B3GLCT: variants seen among roughly 807,000 people sequenced by gnomAD.
The protein encoded by B3GLCT is beta-1,3-glucosyltransferase.
B3GLCT carries 65 observed loss-of-function variants against 63.4 expected under a neutral mutation model. The observed-to-expected ratio is 1.03, with a 90% CI of 0.84 to 1.26. The LOEUF (loss-of-function observed/expected upper bound fraction) is 1.26. B3GLCT is among the 50% of genes most tolerant of loss of function. The probability of loss-of-function intolerance (pLI) is 0.00; values close to 1 mark genes in which losing one functional copy is unlikely to be tolerated. For missense variants in B3GLCT, 577 were observed against 604.8 expected (o/e 0.95, Z 0.48); for synonymous variants, 233 against 219.2 (o/e 1.06, Z -0.55).
intron 7 of B3GLCT, among the ~76,000 whole-genome samples, chr13:31,267,401 A>G (rs528428102): frequency 2.2e-4 from 33 of 152,378 alleles, no homozygotes; most frequent in African/African-American, 5.8e-4. Context: ...ATGTGGCATG[A>G]GTCCAAATCC....
In B3GLCT at chr13:31,330,755, A is replaced by G. The variant is rs969689028; in HGVS notation, c.*1087A>G. ...GTATTAATGTATAAAAAGCACTCTAATTATATAATTCAGTTTTTGTAAAGG... is the reference window on the plus strand; with the variant it reads ...GTATTAATGTATAAAAAGCACTCTAGTTATATAATTCAGTTTTTGTAAAGG... On this transcript the variant is annotated 3_prime_UTR_variant, in exon 15 of 15. Coordinates refer to ENST00000343307, the MANE Select transcript of B3GLCT (RefSeq NM_194318.4). 6.0e-5 allele frequency: 9 copies of G among 150,522 alleles called. No individual in the cohort carries two copies. The highest frequency in any genetic ancestry group is 2.0e-4 in the African/African-American group (8 of 39,920). 9.3% of individuals were successfully genotyped at this position (150,522 alleles called of 1,614,324 possible). A position where few individuals can be genotyped will look rare whatever the true frequency, so the allele number is the denominator to read the frequency against.
At position 31,276,780 on chromosome 13, in the gene B3GLCT, T is replaced by C; in HGVS notation, c.850+9T>C. 1 of 1,604,234 alleles carries C rather than the reference T, an allele frequency of 6.2e-7. No individual in the cohort carries two copies. The highest frequency in any genetic ancestry group is 2.2e-5 in the East Asian group (1 of 44,826). On this transcript the variant is annotated intron_variant, in intron 10 of 14. Transcript: ENST00000343307. ...ATTTCATGGTGACAGAAGTATGTTT[T>C]GGGTTATTCATTTTATTGAACGCTA...
intron 1 of B3GLCT, among the ~76,000 whole-genome samples, chr13:31,208,880 C>A (rs1281723958): frequency 6.6e-6 from 1 of 151,998 alleles, no homozygotes; most frequent in African/African-American, 2.4e-5. Flanking sequence ...GTACCTTCAG[C>A]CTCATTTCTA....
At chr13:31,203,951 C>G (rs1868808265) in intron 1 of B3GLCT, among the ~76,000 whole-genome samples, 2 of 152,182 alleles carry the variant, frequency 1.3e-5, no homozygotes, top group Non-Finnish European at 2.9e-5. Flanking sequence ...TGCCCAAAGC[C>G]TCTCATTTAT....
chr13:31,236,914 G>T (rs908433863), intron 4 of B3GLCT, among the ~76,000 whole-genome samples: 1 of 152,118 alleles, frequency 6.6e-6, no homozygotes, highest in South Asian at 2.1e-4. Context: ...ATCACCTGAG[G>T]TCTGGAGTTC....
intron 13 of B3GLCT, among the ~76,000 whole-genome samples, chr13:31,320,095 C>A (rs1320710724): frequency 6.6e-6 from 1 of 152,170 alleles, no homozygotes; most frequent in Non-Finnish European, 1.5e-5. Context: ...ACTTTTTGGT[C>A]TTAAACTCCA....
At chr13:31,273,675 G>A (rs1238435189) in intron 8 of B3GLCT, among the ~76,000 whole-genome samples, 1 of 151,994 alleles carries the variant, frequency 6.6e-6, no homozygotes, top group Admixed American at 6.6e-5. Context: ...CCTCTGAGCC[G>A]TATATTAAAG....
At chr13:31,236,165 G>T (rs570624125) in intron 4 of B3GLCT, among the ~76,000 whole-genome samples, 2 of 152,188 alleles carry the variant, frequency 1.3e-5, no homozygotes, top group South Asian at 4.1e-4. Flanking sequence ...TTTGCATCCC[G>T]CATAGCACGT....
At chr13:31,248,801 C>G (rs1304760161) in intron 6 of B3GLCT, among the ~76,000 whole-genome samples, 1 of 152,186 alleles carries the variant, frequency 6.6e-6, no homozygotes, top group Non-Finnish European at 1.5e-5. Context: ...GTGTTTAACA[C>G]TTAGTAGGTG....
At chr13:31,211,868 C>T (rs896090315) in intron 1 of B3GLCT, among the ~76,000 whole-genome samples, 2 of 152,176 alleles carry the variant, frequency 1.3e-5, no homozygotes, top group African/African-American at 2.4e-5. Context: ...GATACCTTCC[C>T]TGCACTATAT....
intron 6 of B3GLCT, among the ~76,000 whole-genome samples, chr13:31,253,710 A>C (rs1043339707): frequency 6.6e-6 from 1 of 151,912 alleles, no homozygotes; most frequent in African/African-American, 2.4e-5. Flanking sequence ...ATAGAGATAC[A>C]AAAAAACCCT....
chr13:31,264,000 G>T (rs1286204925), intron 7 of B3GLCT, among the ~76,000 whole-genome samples: 1 of 152,140 alleles, frequency 6.6e-6, no homozygotes, highest in African/African-American at 2.4e-5. Flanking sequence ...AAGATAAGGC[G>T]CTGGCAGATT....
intron 6 of B3GLCT, among the ~76,000 whole-genome samples, chr13:31,250,237 A>G (rs9805270): frequency 0.37 from 56,686 of 152,070 alleles, 11,304 homozygotes; most frequent in East Asian, 0.72. Context: ...GCAGTGGTGC[A>G]GTCTTGGCTC....
chr13:31,229,407 C>T, intron 4 of B3GLCT, 113 bp downstream of exon 4: 3 of 742,328 alleles, frequency 4.0e-6, no homozygotes, highest in Non-Finnish European at 7.3e-6. Flanking sequence ...AGAATAACTC[C>T]TCTGACTCAT....
At position 31,329,647 on chromosome 13, in the gene B3GLCT, A is replaced by G. The variant is rs1390170989; in HGVS notation, c.1476A>G (p.Lys492=). The part of the protein sequence containing the change: ...DEDKARQETQ[K]GFREEL ...ACAAAGCCAGGCAGGAGACACAGAA[A>G]GGTTTTCGAGAGGAGTTATAAATCA... is the stretch of plus-strand genomic sequence containing the variant. The change falls in exon 15 of 15, where the codon AAA becomes AAG. Residue 492 remains lysine, a synonymous_variant. Coordinates refer to ENST00000343307, the MANE Select transcript of B3GLCT (RefSeq NM_194318.4). 3 of 1,614,080 alleles carry G rather than the reference A, an allele frequency of 1.9e-6. No homozygotes were observed. The highest frequency in any genetic ancestry group is 2.2e-5 in the East Asian group (1 of 44,886).
At chr13:31,210,974 C>G (rs538008158) in intron 1 of B3GLCT, among the ~76,000 whole-genome samples, 2 of 152,060 alleles carry the variant, frequency 1.3e-5, no homozygotes, top group African/African-American at 4.8e-5. Context: ...CCCTTTTGAC[C>G]TCAAGCGATC....
chr13:31,261,760 A>G (rs1872043321), intron 7 of B3GLCT, among the ~76,000 whole-genome samples: 1 of 152,214 alleles, frequency 6.6e-6, no homozygotes, highest in African/African-American at 2.4e-5. Context: ...AGTTTCTATC[A>G]TTAAGTGTCC....
At chr13:31,269,410 G>A (rs1872480898) in intron 8 of B3GLCT, 133 bp downstream of exon 8, 3 of 644,950 alleles carry the variant, frequency 4.7e-6, no homozygotes, top group Non-Finnish European at 8.3e-6. Context: ...TAATTTCATA[G>A]CACTCCAGCG....
intron 12 of B3GLCT, among the ~76,000 whole-genome samples, chr13:31,315,197 A>C (rs537849960): frequency 6.6e-6 from 1 of 152,324 alleles, no homozygotes; most frequent in East Asian, 1.9e-4. Context: ...TGTGGAAGTG[A>C]CTTTGGAACT....
Sources: gnomAD v4.1 joint callset for allele counts (sites outside exome capture counted in the v4.1 genomes callset) on GRCh38, gnomAD v4.1.1 for gene constraint, MANE v1.5 for transcripts, NCBI Gene and HGNC (gene_info 2026-07-23, HGNC 2026-07-21) for gene names.